The following ELMOD3 variants were observed in gnomAD, a reference collection of about 807,000 sequenced individuals.
The protein encoded by ELMOD3 is ELMO domain containing 3.
ELMOD3 carries 36 observed loss-of-function variants against 47.4 expected under a neutral mutation model. That is an observed-to-expected ratio of 0.76 (90% CI 0.58 to 1.00). The LOEUF (loss-of-function observed/expected upper bound fraction) is 1.00, where lower values mean the gene tolerates loss of function less well. Among genes scored for constraint, ELMOD3 ranks in the 50% least tolerant of loss-of-function variants. The pLI, the probability that ELMOD3 is intolerant of heterozygous loss-of-function variation, is 0.00. For synonymous variants in ELMOD3, 149 were observed against 183.5 expected (o/e 0.81, Z 1.52); for missense variants, 404 against 463.8 (o/e 0.87, Z 1.18).
chr2:85,383,713 A>C (rs1183007865), intron 11 of ELMOD3, among the ~76,000 whole-genome samples: 1 of 152,154 alleles, frequency 6.6e-6, no homozygotes, highest in African/African-American at 2.4e-5. Context: ...TTTGAGCCAT[A>C]AAGTTAGCTC....
intron 5 of ELMOD3, 145 bp downstream of exon 5, chr2:85,362,405 G>A: frequency 3.2e-6 from 2 of 631,086 alleles, no homozygotes; most frequent in South Asian, 3.8e-5. Context: ...GGAGTGAGGG[G>A]AGGGTGTATG....
intron 5 of ELMOD3, among the ~76,000 whole-genome samples, chr2:85,362,668 C>A (rs939150802): frequency 9.8e-5 from 15 of 152,290 alleles, no homozygotes; most frequent in African/African-American, 3.6e-4. Flanking sequence ...CCTGTAATCC[C>A]AGCACTTTGG....
chr2:85,357,205 G>GA lies in ELMOD3; in HGVS notation c.12dup (p.Ser5IlefsTer6). On this transcript the variant is annotated frameshift_variant, in exon 4 of 14. Transcript: ENST00000409013. LOFTEE classifies it high-confidence loss of function. ...GAACAAATGATTTTGAGTCATGAAT[G>GA]AAAAATCTTGCTCTTTCCATAGTAA... 6.2e-7 allele frequency: 1 copy of GA among 1,607,068 alleles called. No individual in the cohort carries two copies. Among genetic ancestry groups the GA allele is most frequent in the Non-Finnish European group, 8.5e-7 (1 of 1,176,570 alleles).
intron 10 of ELMOD3, 180 bp downstream of exon 10, chr2:85,371,742 A>G: frequency 1.2e-6 from 1 of 834,734 alleles, no homozygotes; most frequent in South Asian, 1.8e-5. Context: ...CTTGAAAAAT[A>G]GCAAGAGTAG....
At chr2:85,369,531 A>C (rs1684634988) in intron 7 of ELMOD3, among the ~76,000 whole-genome samples, 1 of 152,208 alleles carries the variant, frequency 6.6e-6, no homozygotes, top group Admixed American at 6.5e-5. Context: ...AGGCTGACCT[A>C]GCAAGACTGA....
chr2:85,379,900 G>A (rs895234789), intron 11 of ELMOD3, among the ~76,000 whole-genome samples: 1 of 152,084 alleles, frequency 6.6e-6, no homozygotes, highest in Non-Finnish European at 1.5e-5. Context: ...TCCTCTTGAG[G>A]TTCCAGGATA....
chr2:85,375,317 T>G (rs1685095053), intron 10 of ELMOD3, among the ~76,000 whole-genome samples: 1 of 152,244 alleles, frequency 6.6e-6, no homozygotes, highest in South Asian at 2.1e-4. Context: ...ATGCTATCTT[T>G]GTTCATTTTT....
rs1686299329 is a variant in ELMOD3 at position 85,390,820 on chromosome 2, T to C, written c.1004T>C (p.Leu335Ser). 1 of 1,551,492 alleles carries C rather than the reference T, an allele frequency of 6.4e-7. No individual in the cohort carries two copies. Among genetic ancestry groups the C allele is most frequent in the African/African-American group, 1.4e-5 (1 of 73,052 alleles). ...RRLLKTLELYLARVSKGQASL... is the reference protein window; with the variant it reads ...RRLLKTLELYSARVSKGQASL... Reference sequence around the variant, plus strand: ...CTGCTCAAGACCCTGGAGCTGTACTTGGCCAGGGTGTCAAAGGGACAGGCC... The same window carrying C: ...CTGCTCAAGACCCTGGAGCTGTACTCGGCCAGGGTGTCAAAGGGACAGGCC... The change falls in exon 14 of 14, where the codon TTG becomes TCG. Residue 335 changes from leucine (L) to serine (S), a missense_variant. Coordinates refer to ENST00000409013, the MANE Select transcript of ELMOD3 (RefSeq NM_001135022.2).
chr2:85,389,910 A>C, intron 12 of ELMOD3, 83 bp downstream of exon 12: 1 of 1,328,580 alleles, frequency 7.5e-7, no homozygotes, highest in Non-Finnish European at 1.1e-6. Context: ...CCCCAGCTCT[A>C]CTCCACCTGC....
chr2:85,389,532 C>T, intron 11 of ELMOD3: 1 of 591,402 alleles, frequency 1.7e-6, no homozygotes, highest in East Asian at 2.8e-5. Context: ...AGTTGGTATC[C>T]TGGTTCCCAT....
intron 8 of ELMOD3, among the ~76,000 whole-genome samples, chr2:85,370,583 G>A (rs77647600): frequency 2.0e-5 from 3 of 152,268 alleles, no homozygotes; most frequent in East Asian, 3.9e-4. Context: ...GAAAGCTACC[G>A]AAATCAGAAT....
At chr2:85,360,150 C>T (rs1225537982) in intron 4 of ELMOD3, among the ~76,000 whole-genome samples, 2 of 151,454 alleles carry the variant, frequency 1.3e-5, no homozygotes, top group East Asian at 4.0e-4. Context: ...CCTGTAATCC[C>T]AGCTACTCAG....
intron 11 of ELMOD3, among the ~76,000 whole-genome samples, chr2:85,388,244 AT>A (rs1170352844): frequency 3.3e-5 from 5 of 152,140 alleles, no homozygotes; most frequent in Non-Finnish European, 7.3e-5. Context: ...TCCGCCTGTA[AT>A]CCCAAAGTGT....
chr2:85,363,049 G>A (rs1204202376), intron 5 of ELMOD3, 48 bp from the exon 6 acceptor site: 2 of 1,167,042 alleles, frequency 1.7e-6, no homozygotes, highest in East Asian at 2.3e-5. Flanking sequence ...TGTGTATATG[G>A]GGGTATGTGG....
At chr2:85,362,984 A>G (rs1263597632) in intron 5 of ELMOD3, 113 bp from the exon 6 acceptor site, 1 of 670,172 alleles carries the variant, frequency 1.5e-6, no homozygotes, top group Non-Finnish European at 2.7e-6. Context: ...AGGGCACACT[A>G]GGTCCTTTTG....
At chr2:85,375,577 A>AT (rs911755667) in intron 10 of ELMOD3, among the ~76,000 whole-genome samples, 3 of 151,906 alleles carry the variant, frequency 2.0e-5, no homozygotes, top group Non-Finnish European at 4.4e-5. Context: ...GAAACTTTCT[A>AT]TTTTTTCATT....
chr2:85,374,451 C>T (rs531770961), intron 10 of ELMOD3, among the ~76,000 whole-genome samples: 1 of 152,258 alleles, frequency 6.6e-6, no homozygotes, highest in East Asian at 1.9e-4. Flanking sequence ...AAGCAATTCT[C>T]CTGCCTCAGC....
Position 85,358,279 on chromosome 2 carries a change from CAAAAAAAAAAA to C in ELMOD3, c.54+1037_54+1047del, listed in dbSNP as rs1019363756. 8.4e-4 allele frequency among the ~76,000 whole-genome samples: 47 copies of C among 55,782 alleles called. No homozygotes were observed. The East Asian group carries it at 0.02, about 24-fold the overall frequency. The allele number at this position is 55,782 out of a possible 152,430, so 36.6% of individuals were successfully genotyped here. On this transcript the variant is annotated intron_variant, in intron 4 of 13. Transcript: ENST00000409013. ...GGGTGACCAAGTGAGACTCTGTCTC[CAAAAAAAAAAA>C]AAAAAAAAATGAAAAAAGAAATATA...
chr2:85,387,666 C>CAAAA (rs33992978), intron 11 of ELMOD3, among the ~76,000 whole-genome samples: 14 of 94,044 alleles, frequency 1.5e-4, no homozygotes, highest in African/African-American at 3.9e-4. Context: ...GACTCCATCT[C>CAAAA]AAAAAAAAAA....
Sources: gnomAD v4.1 joint callset for allele counts (sites outside exome capture counted in the v4.1 genomes callset) on GRCh38, gnomAD v4.1.1 for gene constraint, MANE v1.5 for transcripts, NCBI Gene and HGNC (gene_info 2026-07-23, HGNC 2026-07-21) for gene names.